CFAP47: variants seen among roughly 807,000 people sequenced by gnomAD.
CFAP47 encodes the protein cilia and flagella associated protein 47.
In CFAP47, 29 loss-of-function variants were observed where a neutral mutation model predicts 148.1. The observed-to-expected ratio is 0.20, with a 90% CI of 0.15 to 0.27. CFAP47 has a LOEUF of 0.27. Ranked by LOEUF, CFAP47 falls within the 10% of genes least tolerant of loss-of-function variation. The pLI is 1.00. For missense variants in CFAP47, 1,872 were observed against 1,697.5 expected (o/e 1.10, Z -1.81); for synonymous variants, 664 against 577.3 (o/e 1.15, Z -2.15).
intron 26 of CFAP47, among the ~76,000 whole-genome samples, chrX:36,052,410 A>G (rs1240142638): frequency 1.8e-5 from 2 of 112,436 alleles, no homozygotes; most frequent in Non-Finnish European, 3.8e-5. Flanking sequence ...AAAATTTTGC[A>G]CATAAAGATA....
intron 57 of CFAP47, among the ~76,000 whole-genome samples, chrX:36,321,317 A>G (rs1941477169): frequency 9.0e-6 from 1 of 111,414 alleles, no homozygotes; most frequent in Non-Finnish European, 1.9e-5. Flanking sequence ...TAAAAATAAA[A>G]CAATTGAACT....
intron 25 of CFAP47, among the ~76,000 whole-genome samples, chrX:36,043,178 A>G (rs1162684731): frequency 8.9e-6 from 1 of 112,173 alleles, no homozygotes; most frequent in Admixed American, 9.5e-5. Context: ...TGAAAGGCCA[A>G]ATGTAGAAAC....
intron 26 of CFAP47, among the ~76,000 whole-genome samples, chrX:36,058,111 A>C (rs1937568459): frequency 8.9e-6 from 1 of 112,213 alleles, no homozygotes; most frequent in African/African-American, 3.2e-5. Context: ...ATGAAATATT[A>C]GCATGATTTA....
chrX:36,381,176 C>T (rs1301775397), intron 63 of CFAP47, among the ~76,000 whole-genome samples: 1 of 109,811 alleles, frequency 9.1e-6, no homozygotes, highest in Non-Finnish European at 1.9e-5. Flanking sequence ...CCAGTATGAA[C>T]ATTCATCAAC....
intron 35 of CFAP47, among the ~76,000 whole-genome samples, chrX:36,141,859 A>G (rs1272174492): frequency 9.0e-6 from 1 of 110,702 alleles, no homozygotes; most frequent in Non-Finnish European, 1.9e-5. Context: ...CTCACATAAC[A>G]CCTTCATACA....
At chrX:36,066,462 G>A (rs1427092260) in intron 27 of CFAP47, among the ~76,000 whole-genome samples, 3 of 111,159 alleles carry the variant, frequency 2.7e-5, no homozygotes, top group African/African-American at 9.8e-5. Context: ...TTACTATTCA[G>A]AAGAAATAGA....
At chrX:36,206,435 C>A (rs1940039491) in intron 45 of CFAP47, among the ~76,000 whole-genome samples, 1 of 111,615 alleles carries the variant, frequency 9.0e-6, no homozygotes, top group Non-Finnish European at 1.9e-5. Context: ...CATCAATTCC[C>A]CTAGGCAAAA....
At chrX:35,953,533 C>T in intron 6 of CFAP47, 59 bp from the exon 7 acceptor site, 5 of 886,765 alleles carry the variant, frequency 5.6e-6, no homozygotes, top group Non-Finnish European at 7.8e-6. Context: ...TTTCCTCTTA[C>T]AAGGTGATAA....
At chrX:36,141,869 A>T (rs1036534041) in intron 35 of CFAP47, among the ~76,000 whole-genome samples, 3 of 110,911 alleles carry the variant, frequency 2.7e-5, no homozygotes, top group African/African-American at 9.9e-5. Context: ...ACCTTCATAC[A>T]GTTCTGTCTG....
intron 21 of CFAP47, among the ~76,000 whole-genome samples, chrX:36,007,202 A>G (rs1936991441): frequency 1.8e-5 from 2 of 112,094 alleles, no homozygotes; most frequent in Non-Finnish European, 3.8e-5. Flanking sequence ...TTTTCCCACT[A>G]GCCTTGATCT....
In CFAP47 at chrX:35,951,170, C is replaced by T. The variant is rs772761530; in HGVS notation, c.696C>T (p.Ile232=). The T allele has an allele frequency of 8.3e-7, 1 of 1,210,718 alleles. No homozygotes were observed. The part of the protein sequence containing the change: ...LQGQPEMLLS[I]KAHVVEQIIE... The stretch of plus-strand genomic sequence containing the variant: ...GTCAACCTGAGATGCTCTTGAGTAT[C>T]AAAGCTCATGTGGTTGAGCAGATTA... Residue 232 remains isoleucine (I), a synonymous_variant, in exon 5 of 64, where the codon ATC becomes ATT. Coordinates refer to ENST00000378653, the MANE Select transcript of CFAP47 (RefSeq NM_001304548.2).
intron 57 of CFAP47, among the ~76,000 whole-genome samples, chrX:36,330,004 A>G (rs1256419965): frequency 8.9e-6 from 1 of 112,240 alleles, no homozygotes; most frequent in Non-Finnish European, 1.9e-5. Context: ...TATATTCTTT[A>G]TTTTCAACAA....
Position 35,972,510 on chromosome X carries a change from A to G in CFAP47, c.2254+545A>G, listed in dbSNP as rs142903189. Among the ~76,000 whole-genome samples, 655 of 111,364 alleles carry G rather than the reference A, an allele frequency of 5.9e-3. 7 individuals carry two copies. The highest frequency in any genetic ancestry group is 0.02 in the African/African-American group (627 of 30,634). ...GTCTCCCCAAATGCTGTGATTACAG[A>G]GTGTGAGCCACCGCACCCCGCCCAG... On this transcript the variant is annotated intron_variant, in intron 13 of 63. Transcript: ENST00000378653.
chrX:36,238,276 C>A (rs1940496579), intron 48 of CFAP47, among the ~76,000 whole-genome samples: 1 of 111,608 alleles, frequency 9.0e-6, no homozygotes, highest in Non-Finnish European at 1.9e-5. Flanking sequence ...GGGAAGTTCC[C>A]CTGCACATGT....
At chrX:36,349,575 C>T (rs1941726243) in intron 58 of CFAP47, among the ~76,000 whole-genome samples, 1 of 111,892 alleles carries the variant, frequency 8.9e-6, no homozygotes, top group Non-Finnish European at 1.9e-5. Context: ...TAAACATTTT[C>T]TAATATTGCT....
At chrX:36,316,223 T>A (rs145099737) in intron 56 of CFAP47, among the ~76,000 whole-genome samples, 1 of 111,881 alleles carries the variant, frequency 8.9e-6, no homozygotes, top group Non-Finnish European at 1.9e-5. Context: ...GCAATCTGTT[T>A]CTGTGAGTGG....
intron 45 of CFAP47, among the ~76,000 whole-genome samples, chrX:36,213,530 T>G (rs1940125989): frequency 8.9e-6 from 1 of 111,964 alleles, no homozygotes; most frequent in African/African-American, 3.3e-5. Context: ...TAGAATAAAT[T>G]GGGGAACCAC....
intron 26 of CFAP47, among the ~76,000 whole-genome samples, chrX:36,049,410 T>A (rs1193098426): frequency 9.1e-6 from 1 of 109,858 alleles, no homozygotes; most frequent in African/African-American, 3.3e-5. Flanking sequence ...GTTACACTAC[T>A]ATATGTCATA....
chrX:35,966,740 T>C lies in CFAP47; in HGVS notation c.1586T>C (p.Met529Thr). The C allele has an allele frequency of 8.8e-7, 1 of 1,131,247 alleles. No individual in the cohort carries two copies. 93.2% of individuals were successfully genotyped at this position (1,131,247 alleles called of 1,213,427 possible). A position where few individuals can be genotyped will look rare whatever the true frequency, so the allele number is the denominator to read the frequency against. The change falls in exon 9 of 64, where the codon ATG becomes ACG. Residue 529 changes from methionine (M) to threonine (T), a missense_variant. By Grantham distance (81) the Met-to-Thr change is moderately conservative. Coordinates refer to ENST00000378653, the MANE Select transcript of CFAP47 (RefSeq NM_001304548.2). ...AAAGCTTCCACCAAGAAAGTTGTGATGAAATTTGATCCTGGTATGCTATTG... is the reference window on the plus strand; with the variant it reads ...AAAGCTTCCACCAAGAAAGTTGTGACGAAATTTGATCCTGGTATGCTATTG... ...ICKASTKKVV[M>T]KFDPGILPSI...
Sources: allele counts gnomAD v4.1 joint callset (sites outside exome capture counted in the v4.1 genomes callset), GRCh38; gene constraint gnomAD v4.1.1; transcripts MANE v1.5; gene names NCBI Gene and HGNC (gene_info 2026-07-23, HGNC 2026-07-21).